BCAT2: variants seen among roughly 807,000 people sequenced by gnomAD.
BCAT2 encodes the protein branched chain amino acid transaminase 2.
BCAT2 carries 44 observed loss-of-function variants against 52.9 expected under a neutral mutation model. The observed-to-expected ratio is 0.83, with a 90% CI of 0.65 to 1.07. The LOEUF (loss-of-function observed/expected upper bound fraction) is 1.07, where lower values mean the gene tolerates loss of function less well. Ranked by LOEUF, BCAT2 falls within the 50% of genes least tolerant of loss-of-function variation. The probability of loss-of-function intolerance (pLI) is 0.00; values close to 1 mark genes in which losing one functional copy is unlikely to be tolerated. For synonymous variants in BCAT2, 215 were observed against 217.1 expected (o/e 0.99, Z 0.08); for missense variants, 478 against 521.8 (o/e 0.92, Z 0.82).
At position 48,806,564 on chromosome 19, in the gene BCAT2, T is replaced by A. The variant is rs1295969703; in HGVS notation, c.253A>T (p.Asn85Tyr). ...WGQPRIQPFQ[N>Y]LTLHPASSSL... ...GAGGAGGCTGGGTGCAGCGTGAGGT[T>A]CTGGAAGGGCTGGATTCGGGGCTGG... Residue 85 changes from asparagine to tyrosine, a missense_variant, in exon 3 of 11, where the codon AAC (asparagine) becomes TAC (tyrosine). Coordinates refer to ENST00000316273, the MANE Select transcript of BCAT2 (RefSeq NM_001190.4). 1 of 1,613,944 alleles carries A rather than the reference T, an allele frequency of 6.2e-7. No individual in the cohort carries two copies. The highest frequency in any genetic ancestry group is 8.5e-7 in the Non-Finnish European group (1 of 1,180,004).
At chr19:48,797,805 T>C (rs1380699137) in intron 6 of BCAT2, among the ~76,000 whole-genome samples, 1 of 143,914 alleles carries the variant, frequency 6.9e-6, no homozygotes, top group Non-Finnish European at 1.5e-5. Flanking sequence ...TTTCTTTTTT[T>C]CTTTTTTTCT....
intron 10 of BCAT2, 57 bp from the exon 11 acceptor site, chr19:48,795,521 G>T: frequency 6.3e-7 from 1 of 1,597,294 alleles, no homozygotes; most frequent in Non-Finnish European, 8.6e-7. Context: ...CTCCCAGTAG[G>T]CCCTGGGGTG....
Position 48,807,706 on chromosome 19 carries a change from G to A in BCAT2, c.25-632C>T, listed in dbSNP as rs968204072. On this transcript the variant is annotated intron_variant, in intron 1 of 10. Transcript: ENST00000316273. The surrounding 1 kb of genome is among the most constrained non-coding windows in gnomAD (Gnocchi z 4.6). ...AGCCCCTCCTCCGCCAGACCCAGGA[G>A]TACAGGTGCTTATTCTCTGAAGGTA... 4.1e-6 allele frequency: 4 copies of A among 986,780 alleles called. No homozygotes were observed. The highest frequency in any genetic ancestry group is 4.8e-6 in the Non-Finnish European group (4 of 830,038). 61.1% of individuals were successfully genotyped at this position (986,780 alleles called of 1,614,324 possible).
chr19:48,795,747 G>A (rs1568504212), intron 10 of BCAT2: 1 of 530,510 alleles, frequency 1.9e-6, no homozygotes, highest in Non-Finnish European at 3.4e-6. Flanking sequence ...ATAGTCAGAG[G>A]ATGTGTAGTT....
chr19:48,795,600 G>GC (rs2034490534), intron 10 of BCAT2, 136 bp from the exon 11 acceptor site: 1 of 976,124 alleles, frequency 1.0e-6, no homozygotes, highest in Non-Finnish European at 1.6e-6. Flanking sequence ...TTCCCAGAGG[G>GC]CCCCAACAAT....
Position 48,799,554 on chromosome 19 carries a change from A to T in BCAT2, c.695+121T>A, listed in dbSNP as rs2034606602. 8.7e-6 allele frequency: 11 copies of T among 1,270,306 alleles called. No individual in the cohort carries two copies. The highest frequency in any genetic ancestry group is 1.1e-6 in the Non-Finnish European group (1 of 945,776). 78.7% of individuals were successfully genotyped at this position (1,270,306 alleles called of 1,614,324 possible). The stretch of plus-strand genomic sequence containing the variant: ...GAGGTCACTTAGCACTGAGCCCTGC[A>T]CGGTGCTGATGATGTCACCTTCATG... On this transcript the variant is annotated intron_variant, in intron 6 of 10. Coordinates refer to ENST00000316273, the MANE Select transcript of BCAT2 (RefSeq NM_001190.4). The surrounding 1 kb of genome is among the most constrained non-coding windows in gnomAD (Gnocchi z 5.5).
At chr19:48,805,689 G>A (rs1291708547) in intron 3 of BCAT2, among the ~76,000 whole-genome samples, 2 of 59,378 alleles carry the variant, frequency 3.4e-5, no homozygotes, top group African/African-American at 7.0e-5. Flanking sequence ...TCCCTCCCCC[G>A]GCTGGCCCTC....
Position 48,799,771 on chromosome 19 carries a change from T to C in BCAT2, c.599A>G (p.Tyr200Cys). 7.0e-6 allele frequency: 11 copies of C among 1,572,640 alleles called. No homozygotes were observed. The highest frequency in any genetic ancestry group is 9.5e-6 in the Non-Finnish European group (11 of 1,159,214). ...LFVILCPVGA[Y>C]FPGGSVTPVS... ...CGGGGTCACGGAGCCTCCAGGGAAGTAGGCACCCACTGGGCAGAGAATGAC... is the reference window on the plus strand; with the variant it reads ...CGGGGTCACGGAGCCTCCAGGGAAGCAGGCACCCACTGGGCAGAGAATGAC... The change falls in exon 6 of 11, where the codon TAC becomes TGC. Residue 200 changes from tyrosine (Y) to cysteine (C), a missense_variant. Coordinates refer to ENST00000316273, the MANE Select transcript of BCAT2 (RefSeq NM_001190.4). The surrounding 1 kb of genome is among the most constrained non-coding windows in gnomAD (Gnocchi z 5.5).
rs371644739 is a variant in BCAT2 at position 48,797,323 on chromosome 19, G to C, written c.706C>G (p.Pro236Ala). The change falls in exon 7 of 11, where the codon CCC becomes GCC. Residue 236 changes from proline (P) to alanine (A), a missense_variant. Transcript: ENST00000316273. ...GCCTCCTGTTGCACTAACACGGTGG[G>C]CCCATAATTCCTGGTGGAGGGCAGT... is the stretch of plus-strand genomic sequence containing the variant. ...GNYKLGGNYG[P>A]TVLVQQEALK... 4.3e-6 allele frequency: 7 copies of C among 1,613,886 alleles called. No individual in the cohort carries two copies. The highest frequency in any genetic ancestry group is 5.9e-6 in the Non-Finnish European group (7 of 1,180,008).
In BCAT2 at chr19:48,807,974, TG is replaced by T; in HGVS notation, c.25-901del. 1 of 985,858 alleles carries T rather than the reference TG, an allele frequency of 1.0e-6. No individual in the cohort carries two copies. The highest frequency in any genetic ancestry group is 1.2e-6 in the Non-Finnish European group (1 of 830,228). 61.1% of individuals were successfully genotyped at this position (985,858 alleles called of 1,614,324 possible). On this transcript the variant is annotated intron_variant, in intron 1 of 10. Coordinates refer to ENST00000316273, the MANE Select transcript of BCAT2 (RefSeq NM_001190.4). This position sits in a 1 kb window ranked among gnomAD's most constrained non-coding sequence, Gnocchi z 4.6. ...CACAAGGCCTCTTTCCCCAGCCCTG[TG>T]GGGAGGCGTTGGGGCGTGAGGTTGA... is the stretch of plus-strand genomic sequence containing the variant.
chr19:48,804,279 C>T (rs995066263), intron 3 of BCAT2, among the ~76,000 whole-genome samples: 3 of 152,204 alleles, frequency 2.0e-5, no homozygotes, highest in Non-Finnish European at 2.9e-5. Context: ...CATGGTGGCT[C>T]ACGCCTGCAA....
intron 6 of BCAT2, among the ~76,000 whole-genome samples, chr19:48,797,816 T>TTTTTTC (rs1221032765): frequency 2.1e-5 from 2 of 96,288 alleles, no homozygotes; most frequent in African/African-American, 7.5e-5. Context: ...CTTTTTTTCT[T>TTTTTTC]TTTTTTTTTT....
intron 3 of BCAT2, among the ~76,000 whole-genome samples, chr19:48,801,030 C>T (rs2034646794): frequency 6.6e-6 from 1 of 151,982 alleles, no homozygotes; most frequent in South Asian, 2.1e-4. Flanking sequence ...CTCTGTCACC[C>T]AGGCTGGAGT....
At chr19:48,808,828 C>T (rs2034853540) in intron 1 of BCAT2, among the ~76,000 whole-genome samples, 1 of 151,540 alleles carries the variant, frequency 6.6e-6, no homozygotes, top group Non-Finnish European at 1.5e-5. Flanking sequence ...AATCACAGCA[C>T]TTTAGGAGAC....
intron 3 of BCAT2, among the ~76,000 whole-genome samples, chr19:48,803,711 A>G (rs1415403264): frequency 6.6e-6 from 1 of 152,170 alleles, no homozygotes; most frequent in Non-Finnish European, 1.5e-5. Flanking sequence ...ATAAACAAAT[A>G]CAGGTAGACA....
intron 3 of BCAT2, among the ~76,000 whole-genome samples, chr19:48,805,478 C>T (rs1290225038): frequency 6.6e-6 from 1 of 152,130 alleles, no homozygotes; most frequent in Non-Finnish European, 1.5e-5. Flanking sequence ...CCCCTCAGCT[C>T]CTCCATGGCC....
chr19:48,808,389 G>A, intron 1 of BCAT2: 1 of 440,180 alleles, frequency 2.3e-6, no homozygotes, highest in Non-Finnish European at 3.0e-6. Flanking sequence ...ACAGAAAGGG[G>A]CGCACAAACA....
At position 48,799,860 on chromosome 19, in the gene BCAT2, C is replaced by T. The variant is rs1203718816; in HGVS notation, c.532-22G>A. 5.7e-6 allele frequency: 9 copies of T among 1,569,166 alleles called. No homozygotes were observed. The highest frequency in any genetic ancestry group is 7.8e-6 in the Non-Finnish European group (9 of 1,157,756). On this transcript the variant is annotated intron_variant, in intron 5 of 10. Transcript: ENST00000316273. This position sits in a 1 kb window ranked among gnomAD's most constrained non-coding sequence, Gnocchi z 5.5. The stretch of plus-strand genomic sequence containing the variant: ...AGGGCTGCGACGGGCAAAGGGACAG[C>T]GTCAGGAGTCCAGGCCCCCAGTCCC...
chr19:48,795,131 A>G lies in BCAT2; in HGVS notation c.*295T>C, dbSNP rs1055082898. 2.1e-5 allele frequency: 10 copies of G among 482,384 alleles called. No individual in the cohort carries two copies. The highest frequency in any genetic ancestry group is 3.7e-5 in the Admixed American group (1 of 26,982). 29.9% of individuals were successfully genotyped at this position (482,384 alleles called of 1,614,324 possible). ...AGAAAAAAAAATCAACGGCAGCACC[A>G]GGGGTCTGGCCTGAGAACGGAGAGA... On this transcript the variant is annotated 3_prime_UTR_variant, in exon 11 of 11. Transcript: ENST00000316273.
Sources: allele counts gnomAD v4.1 joint callset (sites outside exome capture counted in the v4.1 genomes callset), GRCh38; gene constraint gnomAD v4.1.1; non-coding constraint Gnocchi (gnomAD v3.1); transcripts MANE v1.5; gene names NCBI Gene and HGNC (gene_info 2026-07-23, HGNC 2026-07-21).